ATRNL1: variants seen among roughly 807,000 people sequenced by gnomAD.
ATRNL1 encodes attractin like 1, also known as attractin-like protein 1.
Under a neutral mutation model 182.7 loss-of-function variants are expected in ATRNL1, and 95 were observed. The observed-to-expected ratio is 0.52, with a 90% CI of 0.44 to 0.62. The LOEUF is 0.62. Ranked by LOEUF, ATRNL1 falls within the 20% of genes least tolerant of loss-of-function variation. The pLI, the probability that ATRNL1 is intolerant of heterozygous loss-of-function variation, is 0.00. For missense variants in ATRNL1, 1,471 were observed against 1,679.5 expected, an observed-to-expected ratio of 0.88 and a Z score of 2.17; for synonymous variants, 576 against 568.3, an observed-to-expected ratio of 1.01 and a Z score of -0.19.
intron 19 of ATRNL1, among the ~76,000 whole-genome samples, chr10:115,390,225 G>A (rs1215044324): frequency 6.6e-6 from 1 of 151,936 alleles, no homozygotes; most frequent in African/African-American, 2.4e-5. Context: ...GTTTATTTTT[G>A]CTTTTGTTTT....
At chr10:115,663,298 G>C (rs1321765190) in intron 26 of ATRNL1, among the ~76,000 whole-genome samples, 9 of 152,150 alleles carry the variant, frequency 5.9e-5, no homozygotes, top group Admixed American at 2.0e-4. Context: ...TGACTTGAAA[G>C]CTCATACACT....
At chr10:115,926,002 A>G (rs1475606703) in intron 28 of ATRNL1, among the ~76,000 whole-genome samples, 3 of 152,200 alleles carry the variant, frequency 2.0e-5, no homozygotes, top group Non-Finnish European at 4.4e-5. Flanking sequence ...AATTGACCAC[A>G]TAATTGGAAG....
chr10:115,521,403 T>C (rs1850927465), intron 25 of ATRNL1, among the ~76,000 whole-genome samples: 1 of 152,126 alleles, frequency 6.6e-6, no homozygotes, highest in Non-Finnish European at 1.5e-5. Flanking sequence ...TCTGCCCACC[T>C]CGGCCTCCCA....
intron 26 of ATRNL1, among the ~76,000 whole-genome samples, chr10:115,598,877 G>T (rs563775389): frequency 6.6e-6 from 1 of 151,838 alleles, no homozygotes; most frequent in South Asian, 2.1e-4. Flanking sequence ...AACATAGTTA[G>T]AAAAGAGAGG....
intron 26 of ATRNL1, among the ~76,000 whole-genome samples, chr10:115,695,650 A>G (rs1236195147): frequency 3.3e-5 from 5 of 152,128 alleles, no homozygotes; most frequent in Non-Finnish European, 5.9e-5. Flanking sequence ...AGAAAATACT[A>G]AGGATATTAA....
chr10:115,456,510 G>A (rs926198259), intron 21 of ATRNL1, among the ~76,000 whole-genome samples: 19 of 152,220 alleles, frequency 1.2e-4, no homozygotes, highest in Admixed American at 9.8e-4. Flanking sequence ...GTGAAGAATA[G>A]CGTTAGGAGA....
At chr10:115,124,174 C>G (rs1400375551) in intron 3 of ATRNL1, among the ~76,000 whole-genome samples, 1 of 152,094 alleles carries the variant, frequency 6.6e-6, no homozygotes, top group Non-Finnish European at 1.5e-5. Context: ...GATTGCTGCT[C>G]TATAACACTG....
At chr10:115,162,085 A>G (rs1846814604) in intron 6 of ATRNL1, among the ~76,000 whole-genome samples, 1 of 152,072 alleles carries the variant, frequency 6.6e-6, no homozygotes, top group South Asian at 2.1e-4. Context: ...TTCTTGGGAT[A>G]TATCATTGGA....
chr10:115,623,673 C>T (rs1177166943), intron 26 of ATRNL1, among the ~76,000 whole-genome samples: 2 of 151,418 alleles, frequency 1.3e-5, no homozygotes, highest in Admixed American at 1.3e-4. Context: ...TGGGGGTAAA[C>T]AAATACCACA....
rs926200729 is a variant in ATRNL1, at chr10:115,160,065, C to T, written c.855C>T (p.Pro285=). The change falls in exon 6 of 29, where the codon CCC becomes CCT. Residue 285 remains proline (P), a synonymous_variant. Coordinates refer to ENST00000355044, the MANE Select transcript of ATRNL1 (RefSeq NM_207303.4). ...WQGPDCSLNV[P]STESYWILPN... ...GTCCTGATTGTTCTTTGAATGTTCC[C>T]TCTACTGAGTCTTACTGGATTCTGC... The T allele has an allele frequency of 1.2e-6, 2 of 1,609,178 alleles. No homozygotes were observed. The highest frequency in any genetic ancestry group is 1.3e-5 in the African/African-American group (1 of 74,454).
chr10:115,306,704 A>C (rs1295432195), intron 17 of ATRNL1, among the ~76,000 whole-genome samples: 2 of 152,082 alleles, frequency 1.3e-5, no homozygotes, highest in African/African-American at 4.8e-5. Context: ...TGGAACTTCT[A>C]GATATATCTT....
Position 115,900,634 on chromosome 10 carries a change from G to A in ATRNL1, c.4019-44024G>A, listed in dbSNP as rs201944385. 5.3e-5 allele frequency among the ~76,000 whole-genome samples: 8 copies of A among 152,296 alleles called. No individual in the cohort carries two copies. The East Asian group carries it at 1.5e-3, about 29-fold the overall frequency. ...TATTGTCATCCCCATTTTGTAGATA[G>A]CACTGAGGCACAAAGAAGTTAGGGA... On this transcript the variant is annotated intron_variant, in intron 28 of 28. Transcript: ENST00000355044.
At chr10:115,874,438 T>G (rs1291303531) in intron 28 of ATRNL1, among the ~76,000 whole-genome samples, 1 of 152,210 alleles carries the variant, frequency 6.6e-6, no homozygotes, top group Non-Finnish European at 1.5e-5. Context: ...ATATTGTTTT[T>G]CTTTACAGGT....
chr10:115,336,235 G>A (rs188061069), intron 19 of ATRNL1, among the ~76,000 whole-genome samples: 76 of 152,276 alleles, frequency 5.0e-4, no homozygotes, highest in African/African-American at 1.8e-3. Flanking sequence ...TAATGCAGGA[G>A]TTATGTTCAT....
chr10:115,293,100 A>G (rs1201102540), intron 15 of ATRNL1, among the ~76,000 whole-genome samples: 3 of 151,990 alleles, frequency 2.0e-5, no homozygotes, highest in Non-Finnish European at 4.4e-5. Flanking sequence ...TTCTTATTGT[A>G]TAATATGCTT....
chr10:115,791,290 C>T (rs1274675936), intron 27 of ATRNL1, among the ~76,000 whole-genome samples: 1 of 152,112 alleles, frequency 6.6e-6, no homozygotes, highest in Non-Finnish European at 1.5e-5. Context: ...TTCTCCATAA[C>T]ATCCATCATA....
At chr10:115,786,864 C>A (rs1358195924) in intron 27 of ATRNL1, among the ~76,000 whole-genome samples, 1 of 151,964 alleles carries the variant, frequency 6.6e-6, no homozygotes. Context: ...TATGTTAAAC[C>A]TTTATTATGT....
At chr10:115,114,943 C>A (rs782275510) in intron 1 of ATRNL1, among the ~76,000 whole-genome samples, 4 of 152,040 alleles carry the variant, frequency 2.6e-5, no homozygotes, top group African/African-American at 9.7e-5. Flanking sequence ...ATGTTCATTG[C>A]AGCATTGTTC....
At chr10:115,517,667 C>T (rs189249180) in intron 24 of ATRNL1, among the ~76,000 whole-genome samples, 32 of 151,688 alleles carry the variant, frequency 2.1e-4, no homozygotes, top group Admixed American at 7.2e-4. Flanking sequence ...ATCAACATTG[C>T]GTAAGGTTTC....
Sources: allele counts gnomAD v4.1 joint callset (sites outside exome capture counted in the v4.1 genomes callset), GRCh38; gene constraint gnomAD v4.1.1; transcripts MANE v1.5; gene names NCBI Gene and HGNC (gene_info 2026-07-23, HGNC 2026-07-21).